ATP2A3: variants seen among roughly 807,000 people sequenced by gnomAD.
ATP2A3 encodes the protein ATPase sarcoplasmic/endoplasmic reticulum Ca2+ transporting 3.
A neutral mutation model predicts 106.8 loss-of-function variants in ATP2A3; 61 were observed. The ratio of observed to expected loss-of-function variants is 0.57; its 90% CI spans 0.46 to 0.71. The LOEUF (loss-of-function observed/expected upper bound fraction) is 0.71, where lower values mean the gene tolerates loss of function less well. ATP2A3 is among the 30% of genes least tolerant of loss of function. ATP2A3 has a pLI of 0.00. For missense variants in ATP2A3, 1,201 were observed against 1,423.5 expected (o/e 0.84, Z 2.52); for synonymous variants, 611 against 609.3 (o/e 1.00, Z -0.04).
chr17:3,925,161 G>C lies in ATP2A3; in HGVS notation c.*261C>G. The C allele has an allele frequency of 1.7e-6, 1 of 605,340 alleles. No homozygotes were observed. Among genetic ancestry groups the C allele is most frequent in the Non-Finnish European group, 2.9e-6 (1 of 345,732 alleles). The allele number at this position is 605,340 out of a possible 1,614,324, so 37.5% of individuals were successfully genotyped here. A position where few individuals can be genotyped will look rare whatever the true frequency, so the allele number is the denominator to read the frequency against. ...TGCCCCCTCCCAGCCTGCAGCTCCTGGGCCAGAGCTGCAGAGCAGGGAACT... is the reference window on the plus strand; with the variant it reads ...TGCCCCCTCCCAGCCTGCAGCTCCTCGGCCAGAGCTGCAGAGCAGGGAACT... On this transcript the variant is annotated 3_prime_UTR_variant, in exon 21 of 21. Transcript: ENST00000397041. The surrounding 1 kb of genome is among the most constrained non-coding windows in gnomAD (Gnocchi z 4.2).
chr17:3,925,511 G>T lies in ATP2A3; in HGVS notation c.2981-70C>A. ...CACACATCCAGACAGCTTCCTTCCA[G>T]CCCCTTCCATCCTCCACTTCTCCCA... On this transcript the variant is annotated intron_variant, in intron 20 of 20. Coordinates refer to ENST00000397041, the MANE Select transcript of ATP2A3 (RefSeq NM_005173.4). The surrounding 1 kb of genome is among the most constrained non-coding windows in gnomAD (Gnocchi z 4.2). The T allele has an allele frequency of 1.3e-6, 2 of 1,548,956 alleles. No individual in the cohort carries two copies. Among genetic ancestry groups the T allele is most frequent in the Non-Finnish European group, 1.7e-6 (2 of 1,143,492 alleles).
rs1334711449 is a variant in ATP2A3, at chr17:3,945,133, C to T, written c.1111G>A (p.Glu371Lys). The change falls in exon 9 of 21, where the codon GAG (glutamate) becomes AAG (lysine). Residue 371 changes from glutamate (E) to lysine (K), a missense_variant. Physicochemically the swap from Glu to Lys is moderately conservative, Grantham distance 56. Around this residue, in one of 2 missense-constraint regions of ATP2A3, gnomAD observed 935 missense variants for 1,176.7 expected, o/e 0.79. Coordinates refer to ENST00000397041, the MANE Select transcript of ATP2A3 (RefSeq NM_005173.4). ...MSVCRMFVVA[E>K]ADAGSCLLHE... is the part of the protein sequence containing the mutation. The stretch of plus-strand genomic sequence containing the variant: ...AAAAGGCAGGAGCCCGCATCGGCCT[C>T]GGCTACCACGAACATCTGGGGAGCG... 1 of 1,547,916 alleles carries T rather than the reference C, an allele frequency of 6.5e-7. No homozygotes were observed. Among genetic ancestry groups the T allele is most frequent in the Non-Finnish European group, 8.7e-7 (1 of 1,145,814 alleles).
intron 16 of ATP2A3, 137 bp from the exon 17 acceptor site, chr17:3,935,414 T>A: frequency 1.3e-6 from 1 of 775,640 alleles, no homozygotes; most frequent in Non-Finnish European, 2.1e-6. Flanking sequence ...TGCAGGCACC[T>A]CCCCTCGATG....
rs368039858 is a variant in ATP2A3, at chr17:3,941,232, G to C, written c.1839C>G (p.Arg613=). Residue 613 remains arginine (R), a synonymous_variant, in exon 14 of 21, where the codon CGC becomes CGG. Coordinates refer to ENST00000397041, the MANE Select transcript of ATP2A3 (RefSeq NM_005173.4). The stretch of plus-strand genomic sequence containing the variant: ...CCACGCGGATGCCCGCCTGGTAGCA[G>C]CGTGTGATGCAGGCAGCCACCTCAG... ...PRPEVAACIT[R]CYQAGIRVVM... is the part of the protein sequence containing the mutation. The C allele has an allele frequency of 5.6e-6, 9 of 1,614,098 alleles. No homozygotes were observed.
Position 3,930,294 on chromosome 17 carries a change from A to C in ATP2A3, c.2744+7T>G. On this transcript the variant is annotated splice_region_variant and intron_variant, in intron 18 of 20. Coordinates refer to ENST00000397041, the MANE Select transcript of ATP2A3 (RefSeq NM_005173.4). This position sits in a 1 kb window ranked among gnomAD's most constrained non-coding sequence, Gnocchi z 5.4. Reference sequence around the variant, plus strand: ...GGCCCCAGCTCCAGGCCCTGCGCCCAGCCTACCTGTTGAGGGCATTGCACA... The same window carrying C: ...GGCCCCAGCTCCAGGCCCTGCGCCCCGCCTACCTGTTGAGGGCATTGCACA... 6.4e-7 allele frequency: 1 copy of C among 1,574,018 alleles called. No individual in the cohort carries two copies. Among genetic ancestry groups the C allele is most frequent in the Non-Finnish European group, 8.6e-7 (1 of 1,159,660 alleles).
chr17:3,934,367 A>G (rs2053300176), intron 17 of ATP2A3, among the ~76,000 whole-genome samples: 1 of 151,726 alleles, frequency 6.6e-6, no homozygotes, highest in Admixed American at 6.6e-5. Flanking sequence ...ACAGGCACAC[A>G]TCACCGTGCC....
At chr17:3,935,117 C>G in intron 17 of ATP2A3, 75 bp downstream of exon 17, 1 of 1,488,512 alleles carries the variant, frequency 6.7e-7, no homozygotes, top group Non-Finnish European at 9.4e-7. Flanking sequence ...CCATGCGGCT[C>G]TAGACCCATC....
chr17:3,930,873 C>G lies in ATP2A3; in HGVS notation c.2611-439G>C, dbSNP rs569140276. On this transcript the variant is annotated intron_variant, in intron 17 of 20. Transcript: ENST00000397041. The surrounding 1 kb of genome is among the most constrained non-coding windows in gnomAD (Gnocchi z 5.4). ...TATTAAGATTCCATTTACAGCTGGG[C>G]GTGGTGGCTCATGCCTGTCATCCCA... 1 of 292,190 alleles carries G rather than the reference C, an allele frequency of 3.4e-6. No individual in the cohort carries two copies. Among genetic ancestry groups the G allele is most frequent in the South Asian group, 3.2e-5 (1 of 31,024 alleles). The allele number at this position is 292,190 out of a possible 1,614,324, so 18.1% of individuals were successfully genotyped here.
At chr17:3,956,149 T>G (rs1175583124) in intron 1 of ATP2A3, among the ~76,000 whole-genome samples, 1 of 152,170 alleles carries the variant, frequency 6.6e-6, no homozygotes, top group Non-Finnish European at 1.5e-5. Context: ...CCCAAAGTGC[T>G]GGGATTAGAA....
Position 3,928,593 on chromosome 17 carries a change from G to A in ATP2A3, c.2980+70C>T, listed in dbSNP as rs895628971. 14 of 1,341,978 alleles carry A rather than the reference G, an allele frequency of 1.0e-5. No individual in the cohort carries two copies. Among genetic ancestry groups the A allele is most frequent in the East Asian group, 5.0e-5 (2 of 39,912 alleles). The allele number at this position is 1,341,978 out of a possible 1,614,324, so 83.1% of individuals were successfully genotyped here. Reference sequence around the variant, plus strand: ...AGGCTCTGCGCTCCACACCCACAGCGTCCACTGCAGCCCAGGAGCAGAGGC... The same window carrying A: ...AGGCTCTGCGCTCCACACCCACAGCATCCACTGCAGCCCAGGAGCAGAGGC... On this transcript the variant is annotated intron_variant, in intron 20 of 20. Transcript: ENST00000397041. The surrounding 1 kb of genome is among the most constrained non-coding windows in gnomAD (Gnocchi z 6.1).
At chr17:3,932,726 A>ACCGCG (rs2053180051) in intron 17 of ATP2A3, among the ~76,000 whole-genome samples, 11 of 148,320 alleles carry the variant, frequency 7.4e-5, no homozygotes, top group African/African-American at 2.6e-4. Flanking sequence ...AGGCGTGAGC[A>ACCGCG]GCCACACGTT....
chr17:3,930,530 T>G lies in ATP2A3; in HGVS notation c.2611-96A>C. On this transcript the variant is annotated intron_variant, in intron 17 of 20. Coordinates refer to ENST00000397041, the MANE Select transcript of ATP2A3 (RefSeq NM_005173.4). This position sits in a 1 kb window ranked among gnomAD's most constrained non-coding sequence, Gnocchi z 5.4. ...CCTCATCCTGCCCTTGGCCCACGCC[T>G]GGGCACAACCAGCACACAAAACACT... is the stretch of plus-strand genomic sequence containing the variant. The G allele has an allele frequency of 1.5e-6, 2 of 1,360,820 alleles. No individual in the cohort carries two copies. Among genetic ancestry groups the G allele is most frequent in the Non-Finnish European group, 2.0e-6 (2 of 1,025,240 alleles). 84.3% of individuals were successfully genotyped at this position (1,360,820 alleles called of 1,614,324 possible).
At chr17:3,945,200 C>G (rs1407772234) in intron 8 of ATP2A3, 52 bp from the exon 9 acceptor site, 2 of 1,513,492 alleles carry the variant, frequency 1.3e-6, no homozygotes, top group African/African-American at 1.4e-5. Flanking sequence ...CCCTCCTCCC[C>G]GGGCGGCCAG....
rs2083515977 is a variant in ATP2A3 at position 3,941,253 on chromosome 17, C to T, written c.1818G>A (p.Glu606=). The part of the protein sequence containing the change: ...CVGMLDPPRP[E]VAACITRCYQ... ...AGCAGCGTGTGATGCAGGCAGCCAC[C>T]TCAGGTCGCGGCGGGTCCAGCATGC... is the stretch of plus-strand genomic sequence containing the variant. The change falls in exon 14 of 21, where the codon GAG becomes GAA. Residue 606 remains glutamate (E), a synonymous_variant. Coordinates refer to ENST00000397041, the MANE Select transcript of ATP2A3 (RefSeq NM_005173.4). 1 of 1,614,044 alleles carries T rather than the reference C, an allele frequency of 6.2e-7. No homozygotes were observed. Among genetic ancestry groups the T allele is most frequent in the African/African-American group, 1.3e-5 (1 of 75,066 alleles).
chr17:3,933,760 T>A (rs192032534), intron 17 of ATP2A3, among the ~76,000 whole-genome samples: 2 of 150,940 alleles, frequency 1.3e-5, no homozygotes, highest in African/African-American at 2.5e-5. Flanking sequence ...AAAAAGACAG[T>A]GCGTCGGGCT....
intron 11 of ATP2A3, 65 bp downstream of exon 11, chr17:3,943,326 C>T: frequency 2.5e-6 from 4 of 1,605,290 alleles, no homozygotes; most frequent in Non-Finnish European, 1.7e-6. Context: ...TCCTGTCTGC[C>T]TTCTCCAGAT....
Position 3,941,012 on chromosome 17 carries a change from T to TG in ATP2A3, c.2058dup (p.Ile687HisfsTer9). 6.2e-7 allele frequency: 1 copy of TG among 1,613,958 alleles called. No homozygotes were observed. Among genetic ancestry groups the TG allele is most frequent in the Admixed American group, 1.7e-5 (1 of 60,028 alleles). On this transcript the variant is annotated frameshift_variant, in exon 14 of 21. Transcript: ENST00000397041. LOFTEE classifies it high-confidence loss of function. ...TTAAAGGACTGCAGGTTCTCCACGA[T>TG]GCGGGACTTGTGTGCGGGCTCCACG...
Position 3,936,015 on chromosome 17 carries a change from G to A in ATP2A3, c.2524+252C>T, listed in dbSNP as rs964751688. Among the ~76,000 whole-genome samples the A allele has an allele frequency of 2.0e-5, 3 of 152,242 alleles. No homozygotes were observed. Among genetic ancestry groups the A allele is most frequent in the Admixed American group, 6.5e-5 (1 of 15,286 alleles). On this transcript the variant is annotated intron_variant, in intron 16 of 20. Transcript: ENST00000397041. This position sits in a 1 kb window ranked among gnomAD's most constrained non-coding sequence, Gnocchi z 5.4. ...ATTTGGGGTTGTAATGGAGTGAGCA[G>A]AGGGCTGGGGCTGCAGCAGCCATTC...
Position 3,936,514 on chromosome 17 carries a change from G to C in ATP2A3, c.2322-45C>G. On this transcript the variant is annotated intron_variant, in intron 15 of 20. Coordinates refer to ENST00000397041, the MANE Select transcript of ATP2A3 (RefSeq NM_005173.4). This position sits in a 1 kb window ranked among gnomAD's most constrained non-coding sequence, Gnocchi z 5.4. ...TCTAGCCCCGGTAGGCCTAGCCCCC[G>C]GCAGATGCAGGCTCCAGCTCCTGCT... The C allele has an allele frequency of 3.8e-6, 6 of 1,599,222 alleles. No individual in the cohort carries two copies. Among genetic ancestry groups the C allele is most frequent in the Non-Finnish European group, 4.3e-6 (5 of 1,168,250 alleles).
Sources: allele counts gnomAD v4.1 joint callset (sites outside exome capture counted in the v4.1 genomes callset), GRCh38; gene constraint gnomAD v4.1.1; regional missense constraint gnomAD v4.1.1; non-coding constraint Gnocchi (gnomAD v3.1); transcripts MANE v1.5; gene names NCBI Gene and HGNC (gene_info 2026-07-23, HGNC 2026-07-21).